The following MRPS31 variants were observed in gnomAD, a reference collection of about 807,000 sequenced individuals.
MRPS31 encodes the protein small ribosomal subunit protein mS31.
In MRPS31, 32 loss-of-function variants were observed where a neutral mutation model predicts 43.1. That is an observed-to-expected ratio of 0.74 (90% CI 0.56 to 1.00). MRPS31 has a LOEUF of 1.00. Ranked by LOEUF, MRPS31 falls within the 50% of genes least tolerant of loss-of-function variation. MRPS31 has a pLI of 0.00. For missense variants in MRPS31, 437 were observed against 466.7 expected, an observed-to-expected ratio of 0.94 and a Z score of 0.59; for synonymous variants, 165 against 161.6, an observed-to-expected ratio of 1.02 and a Z score of -0.16.
At chr13:40,755,339 T>C (rs114280506) in intron 4 of MRPS31, among the ~76,000 whole-genome samples, 4,681 of 152,258 alleles carry the variant, frequency 0.031, 337 homozygotes, top group East Asian at 0.28. Flanking sequence ...AGAGGGCAAA[T>C]GCCTTGATAA....
intron 1 of MRPS31, among the ~76,000 whole-genome samples, chr13:40,767,759 A>G (rs1880892246): frequency 2.0e-5 from 3 of 152,220 alleles, no homozygotes; most frequent in South Asian, 4.1e-4. Context: ...TTATTCTCAA[A>G]CCCAAATGTG....
Position 40,738,678 on chromosome 13 carries a change from A to G in MRPS31, c.959-9077T>C, listed in dbSNP as rs151167499. On this transcript the variant is annotated intron_variant, in intron 6 of 6. Coordinates refer to ENST00000323563, the MANE Select transcript of MRPS31 (RefSeq NM_005830.4). ...TAATCCAGCACATAAACAGAGCCAA[A>G]GACAAAAACTACATGATTATCTCAA... Among the ~76,000 whole-genome samples, 901 of 152,330 alleles carry G rather than the reference A, an allele frequency of 5.9e-3. 9 individuals are homozygous for G. Among genetic ancestry groups the G allele is most frequent in the African/African-American group, 0.021 (866 of 41,562 alleles).
At chr13:40,766,008 T>C (rs1243304916) in intron 2 of MRPS31, among the ~76,000 whole-genome samples, 1 of 152,356 alleles carries the variant, frequency 6.6e-6, no homozygotes, top group East Asian at 1.9e-4. Context: ...AAAGCAATTG[T>C]AATCAACATG....
At chr13:40,766,332 C>T (rs1880845998) in intron 2 of MRPS31, among the ~76,000 whole-genome samples, 3 of 152,078 alleles carry the variant, frequency 2.0e-5, no homozygotes, top group Admixed American at 2.0e-4. Context: ...TCGCTTGATC[C>T]CCCAGGCTGG....
At chr13:40,767,123 G>T in intron 1 of MRPS31, 90 bp from the exon 2 acceptor site, 5 of 1,034,000 alleles carry the variant, frequency 4.8e-6, no homozygotes, top group Admixed American at 3.3e-5. Flanking sequence ...AAAAAACTAT[G>T]TATCTAAGAT....
intron 5 of MRPS31, among the ~76,000 whole-genome samples, chr13:40,751,438 A>T (rs1880388144): frequency 6.6e-6 from 1 of 152,186 alleles, no homozygotes; most frequent in South Asian, 2.1e-4. Context: ...GGTGGGGAAA[A>T]GTTAGTGTGG....
chr13:40,759,186 C>G lies in MRPS31; in HGVS notation c.441-80G>C, dbSNP rs1880623259. 3 of 1,170,854 alleles carry G rather than the reference C, an allele frequency of 2.6e-6. No individual in the cohort carries two copies. In the Admixed American group the frequency reaches 9.1e-5, roughly 35 times the overall value. The allele number at this position is 1,170,854 out of a possible 1,614,324, so 72.5% of individuals were successfully genotyped here. A position where few individuals can be genotyped will look rare whatever the true frequency, so the allele number is the denominator to read the frequency against. ...GGTGCGGTGGCTCATGCCTGTAATT[C>G]CAGCACTTTGGGAAGCCGAGGCAGA... On this transcript the variant is annotated intron_variant, in intron 2 of 6. Coordinates refer to ENST00000323563, the MANE Select transcript of MRPS31 (RefSeq NM_005830.4).
chr13:40,751,800 C>A (rs1180835480), intron 5 of MRPS31, among the ~76,000 whole-genome samples: 1 of 152,092 alleles, frequency 6.6e-6, no homozygotes, highest in Non-Finnish European at 1.5e-5. Flanking sequence ...TAAACAGTAC[C>A]TTCATTAAAT....
intron 2 of MRPS31, among the ~76,000 whole-genome samples, chr13:40,760,142 A>G (rs1361270071): frequency 6.6e-5 from 10 of 151,346 alleles, no homozygotes; most frequent in African/African-American, 2.2e-4. Flanking sequence ...GTCAAAAAAA[A>G]AAAAAAAAAA....
chr13:40,730,595 TTGTCGCCCAGG>T (rs1879655840), intron 6 of MRPS31, among the ~76,000 whole-genome samples: 2 of 152,158 alleles, frequency 1.3e-5, no homozygotes, highest in Admixed American at 1.3e-4. Context: ...AGTTTCACTC[TTGTCGCCCAGG>T]CTGGAGTGCA....
chr13:40,758,040 G>A (rs1880583190), intron 3 of MRPS31, among the ~76,000 whole-genome samples: 1 of 151,730 alleles, frequency 6.6e-6, no homozygotes, highest in East Asian at 2.0e-4. Flanking sequence ...CTACTCGGGA[G>A]GCTGAGGCAG....
intron 5 of MRPS31, 52 bp downstream of exon 5, chr13:40,753,967 T>C (rs1880461118): frequency 8.7e-7 from 1 of 1,153,440 alleles, no homozygotes. Flanking sequence ...AAGGACATCC[T>C]GGAACGATGG....
At chr13:40,732,187 G>C (rs1879719084) in intron 6 of MRPS31, among the ~76,000 whole-genome samples, 1 of 152,214 alleles carries the variant, frequency 6.6e-6, no homozygotes, top group African/African-American at 2.4e-5. Context: ...TTATAAATAT[G>C]GAGTTACAGA....
intron 1 of MRPS31, chr13:40,770,685 G>A: frequency 2.1e-5 from 8 of 372,446 alleles, no homozygotes; most frequent in South Asian, 1.9e-4. Flanking sequence ...ATAAATGAAG[G>A]AAAACAAATG....
chr13:40,758,552 T>C (rs1880599538), intron 3 of MRPS31, among the ~76,000 whole-genome samples: 1 of 152,056 alleles, frequency 6.6e-6, no homozygotes, highest in African/African-American at 2.4e-5. Context: ...TCAGATGAAA[T>C]ACAGAAGAGG....
intron 2 of MRPS31, among the ~76,000 whole-genome samples, chr13:40,760,680 CT>C (rs1274010875): frequency 1.4e-5 from 2 of 139,050 alleles, no homozygotes; most frequent in African/African-American, 5.4e-5. Flanking sequence ...GTCGTCAAGT[CT>C]GGCTTCAAAG....
chr13:40,740,490 T>C (rs1178441689), intron 6 of MRPS31, among the ~76,000 whole-genome samples: 1 of 138,296 alleles, frequency 7.2e-6, no homozygotes, highest in Non-Finnish European at 1.5e-5. Context: ...TGCACACGTA[T>C]GTTTATTGCG....
In MRPS31 at chr13:40,729,558, C is replaced by T. The variant is rs767722401; in HGVS notation, c.1002G>A (p.Leu334=). The change falls in exon 7 of 7, where the codon CTG becomes CTA. Residue 334 remains leucine (L), a synonymous_variant. Transcript: ENST00000323563. The part of the protein sequence containing the change: ...DGSEFHEHIF[L]EKHLESFPKQ... ...TTGGAAAGCTCTCCAGGTGTTTCTC[C>T]AGAAATATATGTTCATGAAATTCTG... The T allele has an allele frequency of 6.2e-7, 1 of 1,613,874 alleles. No individual in the cohort carries two copies. The highest frequency in any genetic ancestry group is 1.1e-5 in the South Asian group (1 of 91,078).
At chr13:40,754,302 A>T (rs888335248) in intron 4 of MRPS31, among the ~76,000 whole-genome samples, 7 of 152,222 alleles carry the variant, frequency 4.6e-5, no homozygotes, top group African/African-American at 1.7e-4. Flanking sequence ...ATAATACAAC[A>T]AATCAATTAC....
Sources: gnomAD v4.1 joint callset for allele counts (sites outside exome capture counted in the v4.1 genomes callset) on GRCh38, gnomAD v4.1.1 for gene constraint, MANE v1.5 for transcripts, NCBI Gene and HGNC (gene_info 2026-07-23, HGNC 2026-07-21) for gene names.